The following UNC13C variants were observed in gnomAD, a reference collection of about 807,000 sequenced individuals.
The protein encoded by UNC13C is unc-13 homolog C.
Under a neutral mutation model 245.4 loss-of-function variants are expected in UNC13C, and 174 were observed. The observed-to-expected ratio is 0.71, with a 90% CI of 0.63 to 0.80. UNC13C has a LOEUF of 0.80. UNC13C is among the 30% of genes least tolerant of loss of function. The pLI, the probability that UNC13C is intolerant of heterozygous loss-of-function variation, is 0.00. For synonymous variants in UNC13C, 992 were observed against 895.1 expected (o/e 1.11, Z -1.93); for missense variants, 2,829 against 2,602.9 (o/e 1.09, Z -1.89).
In UNC13C at chr15:54,013,193, C is replaced by T; in HGVS notation, c.290C>T (p.Ala97Val). The change falls in exon 2 of 33, where the codon GCT becomes GTT. Residue 97 changes from alanine (A) to valine (V), a missense_variant. Coordinates refer to ENST00000260323, the MANE Select transcript of UNC13C (RefSeq NM_001080534.3). ...TCACCAACATTCAGTTACCGAGTAG[C>T]TATTGCCAATGGCCTACAAAAGAAT... ...SLSPTFSYRV[A>V]IANGLQKNAK... 1 of 1,613,808 alleles carries T rather than the reference C, an allele frequency of 6.2e-7. No individual in the cohort carries two copies.
intron 16 of UNC13C, among the ~76,000 whole-genome samples, chr15:54,337,571 C>A (rs543907301): frequency 3.3e-5 from 5 of 152,060 alleles, no homozygotes; most frequent in African/African-American, 4.8e-5. Flanking sequence ...CCTGTTAGCT[C>A]TTTTTTTCTA....
chr15:54,377,476 CT>C (rs1307585114), intron 17 of UNC13C, among the ~76,000 whole-genome samples: 1 of 152,178 alleles, frequency 6.6e-6, no homozygotes, highest in African/African-American at 2.4e-5. Context: ...GCTTTTTAAG[CT>C]GTTTATCCTT....
rs986528876 is a variant in UNC13C, at chr15:54,435,681, A to G, written c.4933+20614A>G. 3.3e-5 allele frequency among the ~76,000 whole-genome samples: 5 copies of G among 151,926 alleles called. No individual in the cohort carries two copies. In the East Asian group the frequency reaches 9.7e-4, roughly 29 times the overall value. On this transcript the variant is annotated intron_variant, in intron 19 of 32. Transcript: ENST00000260323. ...AAACCACCATGGCACATGTATACCT[A>G]TGTAACAAAACTGCACGTTAGGCAC...
At chr15:54,395,933 GTTTA>G (rs954256220) in intron 18 of UNC13C, among the ~76,000 whole-genome samples, 46 of 151,676 alleles carry the variant, frequency 3.0e-4, no homozygotes, top group Non-Finnish European at 4.6e-4. Flanking sequence ...GAACTACAGT[GTTTA>G]TTTGAGTAAT....
chr15:54,093,729 A>G (rs1008809018), intron 2 of UNC13C, among the ~76,000 whole-genome samples: 1 of 152,196 alleles, frequency 6.6e-6, no homozygotes, highest in South Asian at 2.1e-4. Flanking sequence ...GCATATGTCT[A>G]TATCAATAAC....
At chr15:54,605,698 G>C (rs1421183268) in intron 30 of UNC13C, among the ~76,000 whole-genome samples, 1 of 152,038 alleles carries the variant, frequency 6.6e-6, no homozygotes. Flanking sequence ...GTGAATGTTT[G>C]ATGGATGATG....
At chr15:53,928,386 A>G in the UNC13C span, among the ~76,000 whole-genome samples, 2 of 152,220 alleles carry the variant, frequency 1.3e-5, no homozygotes, top group Non-Finnish European at 2.9e-5. Flanking sequence ...GTGGCTTAAG[A>G]ATGCCTTTAA....
intron 2 of UNC13C, among the ~76,000 whole-genome samples, chr15:54,141,879 A>G (rs1314956621): frequency 1.3e-5 from 2 of 152,304 alleles, no homozygotes; most frequent in Non-Finnish European, 1.5e-5. Flanking sequence ...TAAGCAGCCT[A>G]TACTTAATGA....
intron 1 of UNC13C, among the ~76,000 whole-genome samples, chr15:54,005,136 T>A (rs371453998): frequency 6.6e-6 from 1 of 152,176 alleles, no homozygotes; most frequent in Non-Finnish European, 1.5e-5. Context: ...TATACCAAAG[T>A]ACAATGTGCC....
In UNC13C at chr15:54,627,268, A is replaced by G. The variant is rs1208673778; in HGVS notation, c.*155A>G. The G allele has an allele frequency of 1.4e-6, 1 of 734,258 alleles. No individual in the cohort carries two copies. The highest frequency in any genetic ancestry group is 2.0e-6 in the Non-Finnish European group (1 of 491,456). 45.5% of individuals were successfully genotyped at this position (734,258 alleles called of 1,614,324 possible). On this transcript the variant is annotated 3_prime_UTR_variant, in exon 33 of 33. Transcript: ENST00000260323. ...TGTAAAAAACCTGCTGAACTTTTAT[A>G]CCAATTCTGGTCTTTGGGAAATCAG...
the UNC13C span, among the ~76,000 whole-genome samples, chr15:53,891,042 C>T: frequency 6.6e-6 from 1 of 152,018 alleles, no homozygotes; most frequent in African/African-American, 2.4e-5. Flanking sequence ...TAAATGTGTC[C>T]CGGAGATTCT....
At chr15:53,943,803 T>A in the UNC13C span, among the ~76,000 whole-genome samples, 2,438 of 152,276 alleles carry the variant, frequency 0.016, 72 homozygotes, top group African/African-American at 0.056. Context: ...ATTTGGTACA[T>A]GTACGTGTAG....
intron 19 of UNC13C, among the ~76,000 whole-genome samples, chr15:54,487,977 C>T (rs1893509473): frequency 6.6e-6 from 1 of 151,758 alleles, no homozygotes; most frequent in Admixed American, 6.6e-5. Context: ...CTATAGCTTA[C>T]TTTTGGCAGC....
At chr15:54,462,476 G>T (rs750727403) in intron 19 of UNC13C, among the ~76,000 whole-genome samples, 2 of 152,152 alleles carry the variant, frequency 1.3e-5, no homozygotes, top group Non-Finnish European at 2.9e-5. Context: ...GGCCGGAACC[G>T]GGGCTACGCA....
chr15:54,246,886 A>G (rs1188337180), intron 7 of UNC13C, among the ~76,000 whole-genome samples: 1 of 152,200 alleles, frequency 6.6e-6, no homozygotes, highest in Non-Finnish European at 1.5e-5. Context: ...CGCATCCTGC[A>G]CATGTACCCT....
At chr15:54,331,189 C>T (rs1389803812) in intron 14 of UNC13C, among the ~76,000 whole-genome samples, 4 of 152,010 alleles carry the variant, frequency 2.6e-5, no homozygotes, top group African/African-American at 9.7e-5. Context: ...TTGGCAGGGG[C>T]ATTTTATGTC....
intron 6 of UNC13C, among the ~76,000 whole-genome samples, chr15:54,237,023 G>C (rs1180927030): frequency 6.6e-6 from 1 of 151,990 alleles, no homozygotes; most frequent in African/African-American, 2.4e-5. Context: ...TATGTGGTGA[G>C]GAAACTAAAG....
At chr15:54,193,851 A>G (rs2034267438) in intron 4 of UNC13C, among the ~76,000 whole-genome samples, 1 of 152,104 alleles carries the variant, frequency 6.6e-6, no homozygotes, top group Admixed American at 6.6e-5. Flanking sequence ...AGAGAGTGCC[A>G]GGGTAGCTTT....
At chr15:54,488,773 T>C (rs769284738) in intron 19 of UNC13C, among the ~76,000 whole-genome samples, 1 of 152,194 alleles carries the variant, frequency 6.6e-6, no homozygotes, top group Non-Finnish European at 1.5e-5. Context: ...ACATTTCTCA[T>C]TGAAATTCAA....
Sources: allele counts gnomAD v4.1 joint callset (sites outside exome capture counted in the v4.1 genomes callset), GRCh38; gene constraint gnomAD v4.1.1; transcripts MANE v1.5; gene names NCBI Gene and HGNC (gene_info 2026-07-23, HGNC 2026-07-21).